COL25A1: variants seen among roughly 807,000 people sequenced by gnomAD.
COL25A1 encodes collagen type XXV alpha 1 chain.
Under a neutral mutation model 128.4 loss-of-function variants are expected in COL25A1, and 103 were observed. The observed-to-expected ratio is 0.80, with a 90% CI of 0.68 to 0.94. COL25A1 has a LOEUF of 0.94. COL25A1 is among the 40% of genes least tolerant of loss of function. The pLI, the probability that COL25A1 is intolerant of heterozygous loss-of-function variation, is 0.00. For missense variants in COL25A1, 745 were observed against 840.0 expected, an observed-to-expected ratio of 0.89 and a Z score of 1.40; for synonymous variants, 279 against 277.2, an observed-to-expected ratio of 1.01 and a Z score of -0.06.
intron 3 of COL25A1, among the ~76,000 whole-genome samples, chr4:109,260,399 C>G (rs1391377618): frequency 6.6e-6 from 1 of 152,124 alleles, no homozygotes; most frequent in Admixed American, 6.5e-5. Flanking sequence ...TCTACTCATA[C>G]AAATAACTAT....
In COL25A1 at chr4:109,195,265, G is replaced by A. The variant is rs147997815; in HGVS notation, c.367+105318C>T. ...AGCACAGTAGCCCTAGCCAGTTGCC[G>A]TAGATGAGCCCAATCTAGATCTGCT... On this transcript the variant is annotated intron_variant, in intron 3 of 37. Transcript: ENST00000399132. Among the ~76,000 whole-genome samples the A allele has an allele frequency of 6.4e-3, 975 of 152,208 alleles. 4 individuals carry two copies. Among genetic ancestry groups the A allele is most frequent in the African/African-American group, 0.022 (919 of 41,530 alleles).
At chr4:109,139,919 T>C (rs2526445) in intron 3 of COL25A1, among the ~76,000 whole-genome samples, 95,248 of 150,784 alleles carry the variant, frequency 0.63, 30,526 homozygotes, top group East Asian at 0.75. Flanking sequence ...TGAGAACATA[T>C]GGTGTTTGGT....
rs1350614306 is a variant in COL25A1, at chr4:108,811,871, TG to T, written c.*2055del. ...GATGCCATTTTGTATGACTGTCATTTGGTTACATAACATAAATGAGATCATG... is the reference window on the plus strand; with the variant it reads ...GATGCCATTTTGTATGACTGTCATTTGTTACATAACATAAATGAGATCATG... On this transcript the variant is annotated 3_prime_UTR_variant, in exon 38 of 38. Coordinates refer to ENST00000399132, the MANE Select transcript of COL25A1 (RefSeq NM_198721.4). 1 of 152,214 alleles carries T rather than the reference TG, an allele frequency of 6.6e-6. No individual in the cohort carries two copies. Among genetic ancestry groups the T allele is most frequent in the African/African-American group, 2.4e-5 (1 of 41,464 alleles). The allele number at this position is 152,214 out of a possible 1,614,324, so 9.4% of individuals were successfully genotyped here. A position where few individuals can be genotyped will look rare whatever the true frequency, so the allele number is the denominator to read the frequency against.
intron 3 of COL25A1, among the ~76,000 whole-genome samples, chr4:109,200,038 C>T (rs1776425739): frequency 1.3e-5 from 2 of 152,320 alleles, no homozygotes; most frequent in East Asian, 1.9e-4. Flanking sequence ...CACACACCTT[C>T]TACATTAAAG....
At chr4:109,167,855 A>G (rs536145864) in intron 3 of COL25A1, among the ~76,000 whole-genome samples, 15 of 152,174 alleles carry the variant, frequency 9.9e-5, no homozygotes, top group African/African-American at 3.1e-4. Context: ...GACACAAAAA[A>G]CTCATCTATA....
intron 8 of COL25A1, among the ~76,000 whole-genome samples, chr4:108,942,642 G>C (rs1176068087): frequency 1.4e-5 from 2 of 148,046 alleles, no homozygotes; most frequent in African/African-American, 5.0e-5. Context: ...TGGGTTTTCA[G>C]TTTCACCATG....
intron 3 of COL25A1, among the ~76,000 whole-genome samples, chr4:109,107,062 C>T (rs577488560): frequency 4.6e-5 from 7 of 152,286 alleles, no homozygotes; most frequent in Admixed American, 2.0e-4. Context: ...AGCCACACGA[C>T]TAGCCCATTT....
intron 11 of COL25A1, among the ~76,000 whole-genome samples, chr4:108,932,218 T>C (rs1746838519): frequency 6.6e-6 from 1 of 152,160 alleles, no homozygotes; most frequent in Non-Finnish European, 1.5e-5. Flanking sequence ...CAATGCATTA[T>C]AAATTGAACA....
At chr4:109,295,673 G>A (rs141220750) in intron 3 of COL25A1, among the ~76,000 whole-genome samples, 209 of 152,156 alleles carry the variant, frequency 1.4e-3, no homozygotes, top group South Asian at 5.0e-3. Flanking sequence ...TAATTTAAAG[G>A]TTCTTCTTAT....
At chr4:109,022,523 G>A (rs938619403) in intron 5 of COL25A1, among the ~76,000 whole-genome samples, 2 of 152,190 alleles carry the variant, frequency 1.3e-5, no homozygotes, top group African/African-American at 2.4e-5. Context: ...GGTAAGAAGT[G>A]TGTTCTATAA....
chr4:109,009,985 CAG>C (rs1343056907), intron 6 of COL25A1, among the ~76,000 whole-genome samples: 2 of 152,204 alleles, frequency 1.3e-5, no homozygotes, highest in African/African-American at 4.8e-5. Flanking sequence ...TCTAAATAAT[CAG>C]AGTCTGCAGG....
At chr4:108,998,388 C>T (rs1284097584) in intron 6 of COL25A1, among the ~76,000 whole-genome samples, 1 of 152,080 alleles carries the variant, frequency 6.6e-6, no homozygotes, top group Non-Finnish European at 1.5e-5. Context: ...GAATAAAATA[C>T]CTAGAAATCC....
intron 32 of COL25A1, among the ~76,000 whole-genome samples, chr4:108,829,195 A>G (rs1442900117): frequency 6.6e-6 from 1 of 152,208 alleles, no homozygotes; most frequent in Admixed American, 6.5e-5. Flanking sequence ...TAATAGTGAA[A>G]TATCAAAAAC....
At chr4:109,257,837 A>G (rs1781176621) in intron 3 of COL25A1, among the ~76,000 whole-genome samples, 1 of 152,202 alleles carries the variant, frequency 6.6e-6, no homozygotes, top group Admixed American at 6.5e-5. Context: ...CACACTCCAG[A>G]AAAGAACTGT....
At chr4:108,890,172 C>T (rs1348524589) in intron 16 of COL25A1, among the ~76,000 whole-genome samples, 1 of 152,186 alleles carries the variant, frequency 6.6e-6, no homozygotes, top group Admixed American at 6.5e-5. Flanking sequence ...AGTTCCCTGA[C>T]CCTTTTGCTC....
intron 3 of COL25A1, among the ~76,000 whole-genome samples, chr4:109,283,905 C>A (rs368972310): frequency 2.6e-5 from 4 of 152,136 alleles, no homozygotes; most frequent in African/African-American, 9.7e-5. Context: ...ATCTATCAAC[C>A]CACAGAACAG....
intron 3 of COL25A1, among the ~76,000 whole-genome samples, chr4:109,157,626 T>C (rs574715582): frequency 2.0e-5 from 3 of 152,222 alleles, no homozygotes; most frequent in Non-Finnish European, 2.9e-5. Context: ...TTCAAAAGCA[T>C]GTTAATACTC....
intron 5 of COL25A1, among the ~76,000 whole-genome samples, chr4:109,038,619 A>G (rs1759575078): frequency 6.6e-6 from 1 of 152,196 alleles, no homozygotes; most frequent in African/African-American, 2.4e-5. Flanking sequence ...AATACAGTGT[A>G]GAGAGAATAA....
In COL25A1 at chr4:109,227,211, C is replaced by G. The variant is rs538262120; in HGVS notation, c.367+73372G>C. 2.1e-3 allele frequency among the ~76,000 whole-genome samples: 317 copies of G among 152,054 alleles called. 1 individual carries two copies. The highest frequency in any genetic ancestry group is 7.2e-3 in the African/African-American group (300 of 41,430). ...TATATACAAATACAATTCTTATCCA[C>G]AGAGTCAACATTGTGATAACGCAGT... On this transcript the variant is annotated intron_variant, in intron 3 of 37. Coordinates refer to ENST00000399132, the MANE Select transcript of COL25A1 (RefSeq NM_198721.4).
Sources: gnomAD v4.1 joint callset for allele counts (sites outside exome capture counted in the v4.1 genomes callset) on GRCh38, gnomAD v4.1.1 for gene constraint, MANE v1.5 for transcripts, NCBI Gene and HGNC (gene_info 2026-07-23, HGNC 2026-07-21) for gene names.